Variants in NMNAT3 observed in about 807,000 individuals in gnomAD.
The protein encoded by NMNAT3 is nicotinamide nucleotide adenylyltransferase 3, also known as nicotinamide/nicotinic acid mononucleotide adenylyltransferase 3.
NMNAT3 carries 21 observed loss-of-function variants against 24.8 expected under a neutral mutation model. The ratio of observed to expected loss-of-function variants is 0.85; its 90% confidence interval spans 0.60 to 1.22. NMNAT3 has a LOEUF of 1.22. NMNAT3 is among the 50% of genes most tolerant of loss of function. NMNAT3 has a pLI of 0.00. For missense variants in NMNAT3, 387 were observed against 436.6 expected, an observed-to-expected ratio of 0.89 and a Z score of 1.01; for synonymous variants, 136 against 155.2, an observed-to-expected ratio of 0.88 and a Z score of 0.92.
intron 3 of NMNAT3, among the ~76,000 whole-genome samples, chr3:139,592,801 A>C (rs1425743023): frequency 1.3e-5 from 2 of 152,202 alleles, no homozygotes. Context: ...GCCTGCCCTA[A>C]AAGAGCTCCT....
At chr3:139,576,047 T>C (rs1939258785) in intron 5 of NMNAT3, 4 of 1,288,346 alleles carry the variant, frequency 3.1e-6, no homozygotes, top group South Asian at 1.2e-5. Context: ...AACTATCTTA[T>C]AGGGAAAGAA....
At chr3:139,617,310 C>T (rs1361697848) in intron 3 of NMNAT3, among the ~76,000 whole-genome samples, 1 of 152,204 alleles carries the variant, frequency 6.6e-6, no homozygotes, top group African/African-American at 2.4e-5. Context: ...ACACCCAACA[C>T]AGGTGGACAC....
At position 139,609,071 on chromosome 3, in the gene NMNAT3, T is replaced by G. The variant is rs141036416; in HGVS notation, c.109+18545A>C. The stretch of plus-strand genomic sequence containing the variant: ...TCATCCAAGTTGTTGCACGAATGAT[T>G]TGTTTCTTTTATTGCTGGGGAGTAG... On this transcript the variant is annotated intron_variant, in intron 3 of 6. Transcript: ENST00000643695. Among the ~76,000 whole-genome samples, 112 of 152,294 alleles carry G rather than the reference T, an allele frequency of 7.4e-4. 1 individual carries two copies. The Middle Eastern group carries it at 0.017, about 23-fold the overall frequency.
intron 3 of NMNAT3, chr3:139,599,181 A>G (rs549867807): frequency 1.7e-5 from 10 of 579,886 alleles, no homozygotes; most frequent in African/African-American, 1.1e-4. Flanking sequence ...TTTATTAAAA[A>G]TTACCATACA....
At chr3:139,662,360 A>T (rs959394429) in intron 1 of NMNAT3, among the ~76,000 whole-genome samples, 3 of 152,128 alleles carry the variant, frequency 2.0e-5, no homozygotes, top group Non-Finnish European at 4.4e-5. Flanking sequence ...CTATCTGCTC[A>T]TCTGTAATAT....
intron 2 of NMNAT3, chr3:139,636,393 C>A (rs900468251): frequency 6.6e-6 from 1 of 151,724 alleles, no homozygotes; most frequent in Non-Finnish European, 1.5e-5. Flanking sequence ...GGAGGAAAAA[C>A]CCTTACTCAG....
intron 3 of NMNAT3, among the ~76,000 whole-genome samples, chr3:139,598,336 T>C (rs1466915608): frequency 2.6e-5 from 4 of 152,176 alleles, no homozygotes; most frequent in Non-Finnish European, 4.4e-5. Context: ...ATGGCAGAAG[T>C]GATACTTTGT....
chr3:139,627,392 G>A (rs1040938721), intron 3 of NMNAT3, among the ~76,000 whole-genome samples: 13 of 152,162 alleles, frequency 8.5e-5, no homozygotes, highest in African/African-American at 2.9e-4. Context: ...TGGGCAGGGA[G>A]GGGAGACCTT....
intron 6 of NMNAT3, among the ~76,000 whole-genome samples, chr3:139,562,581 C>G (rs1207881601): frequency 6.6e-6 from 1 of 152,180 alleles, no homozygotes; most frequent in Non-Finnish European, 1.5e-5. Flanking sequence ...TGTAAATGGT[C>G]AGTTTAGGAT....
chr3:139,634,472 C>T (rs1342496662), intron 2 of NMNAT3, 139 bp downstream of exon 3: 6 of 152,172 alleles, frequency 3.9e-5, no homozygotes, highest in Non-Finnish European at 7.3e-5. Flanking sequence ...TTTCAGGACT[C>T]GGTGAAATCA....
At position 139,561,204 on chromosome 3, in the gene NMNAT3, T is replaced by C. The variant is rs778083040; in HGVS notation, c.847A>G (p.Ile283Val). Reference sequence around the variant, plus strand: ...TGCACAGGCTCCTTGGCCAGGTGAATGTTGTGCTGGTGCATCCGTAGGATG... The same window carrying C: ...TGCACAGGCTCCTTGGCCAGGTGAACGTTGTGCTGGTGCATCCGTAGGATG... Residue 283 changes from isoleucine to valine, a missense_variant, in exon 7 of 7, where the codon ATT (isoleucine) becomes GTT (valine). This residue lies in a region of NMNAT3 where 323 missense variants were observed against 345.2 expected (regional missense o/e 0.94). Coordinates refer to ENST00000643695, the MANE Select transcript of NMNAT3 (RefSeq NM_001320510.2). 1 of 1,614,160 alleles carries C rather than the reference T, an allele frequency of 6.2e-7. No individual in the cohort carries two copies. Among genetic ancestry groups the C allele is most frequent in the South Asian group, 1.1e-5 (1 of 91,078 alleles).
intron 1 of NMNAT3, among the ~76,000 whole-genome samples, chr3:139,669,614 T>C (rs573980451): frequency 1.6e-4 from 25 of 152,218 alleles, no homozygotes; most frequent in East Asian, 3.9e-4. Flanking sequence ...AAATCTTTAA[T>C]TGGAGATGAA....
chr3:139,601,708 G>C (rs917925696), intron 3 of NMNAT3, among the ~76,000 whole-genome samples: 3 of 152,162 alleles, frequency 2.0e-5, no homozygotes, highest in Non-Finnish European at 2.9e-5. Context: ...GGTTGGGGGT[G>C]GGGGATAAAG....
chr3:139,617,748 A>G (rs1389265930), intron 3 of NMNAT3, among the ~76,000 whole-genome samples: 1 of 152,254 alleles, frequency 6.6e-6, no homozygotes, highest in Non-Finnish European at 1.5e-5. Flanking sequence ...ATAACAGTAA[A>G]CAGAATTTAA....
intron 3 of NMNAT3, among the ~76,000 whole-genome samples, chr3:139,625,398 CCT>C (rs2056007461): frequency 2.0e-5 from 3 of 151,732 alleles, no homozygotes; most frequent in Admixed American, 6.6e-5. Context: ...TTTTTTGTTC[CCT>C]GTTTCTTCTT....
At chr3:139,674,379 C>T (rs67858733) in intron 1 of NMNAT3, among the ~76,000 whole-genome samples, 17,641 of 152,212 alleles carry the variant, frequency 0.12, 1,294 homozygotes, top group Non-Finnish European at 0.17. Context: ...CACAGCTAAA[C>T]CAATGGGGCA....
chr3:139,642,452 G>A (rs1308985545), intron 1 of NMNAT3, among the ~76,000 whole-genome samples: 7 of 152,226 alleles, frequency 4.6e-5, no homozygotes, highest in Admixed American at 2.0e-4. Context: ...AAGAGAGACT[G>A]CACCTGTGCC....
intron 4 of NMNAT3, among the ~76,000 whole-genome samples, chr3:139,582,458 G>A (rs550676477): frequency 2.0e-5 from 3 of 151,332 alleles, no homozygotes; most frequent in East Asian, 1.9e-4. Flanking sequence ...CCTGGCCAAC[G>A]TGGCAAATCC....
At chr3:139,563,265 A>G (rs566462683) in intron 6 of NMNAT3, among the ~76,000 whole-genome samples, 80 of 152,188 alleles carry the variant, frequency 5.3e-4, no homozygotes, top group Non-Finnish European at 9.8e-4. Context: ...TTTTACTCCA[A>G]TTTCTTATCT....
Sources: allele counts gnomAD v4.1 joint callset (sites outside exome capture counted in the v4.1 genomes callset), GRCh38; gene constraint gnomAD v4.1.1; regional missense constraint gnomAD v4.1.1; transcripts MANE v1.5; gene names NCBI Gene and HGNC (gene_info 2026-07-23, HGNC 2026-07-21).